CNOT4: variants seen among roughly 807,000 people sequenced by gnomAD.
The protein encoded by CNOT4 is CCR4-associated factor 4.
Under a neutral mutation model 73.8 loss-of-function variants are expected in CNOT4, and 8 were observed. The ratio of observed to expected loss-of-function variants is 0.11; its 90% CI spans 0.06 to 0.20. The LOEUF (loss-of-function observed/expected upper bound fraction) is 0.20. Ranked by LOEUF, CNOT4 falls within the 10% of genes least tolerant of loss-of-function variation. The pLI is 1.00. For missense variants in CNOT4, 564 were observed against 883.4 expected (o/e 0.64, Z 4.58); for synonymous variants, 293 against 321.1 (o/e 0.91, Z 0.94).
chr7:135,417,408 C>G (rs1366197704), intron 3 of CNOT4, among the ~76,000 whole-genome samples: 1 of 152,082 alleles, frequency 6.6e-6, no homozygotes, highest in Admixed American at 6.6e-5. Flanking sequence ...TTTATATATA[C>G]TTTTTCAAAT....
rs138138232 is a variant in CNOT4, at chr7:135,384,476, G to A, written c.1627+9442C>T. Reference sequence around the variant, plus strand: ...ATTTTTTTGTATTTTTAGTAGAGACGGGGTTTCACCGTGTTAGCCAGGATG... The same window carrying A: ...ATTTTTTTGTATTTTTAGTAGAGACAGGGTTTCACCGTGTTAGCCAGGATG... On this transcript the variant is annotated intron_variant, in intron 10 of 11. Coordinates refer to ENST00000541284, the MANE Select transcript of CNOT4 (RefSeq NM_001190850.2). The A allele has an allele frequency of 4.3e-3, 2,182 of 509,216 alleles. 67 individuals carry two copies. In the East Asian group the frequency reaches 0.062, roughly 14 times the overall value. 31.5% of individuals were successfully genotyped at this position (509,216 alleles called of 1,614,324 possible).
chr7:135,435,663 T>C (rs916153955), intron 2 of CNOT4, among the ~76,000 whole-genome samples: 5 of 152,200 alleles, frequency 3.3e-5, no homozygotes, highest in African/African-American at 9.6e-5. Context: ...TTTCATGATG[T>C]TGGTTTTCCT....
intron 8 of CNOT4, 63 bp downstream of exon 8, chr7:135,398,106 C>T (rs1563025366): frequency 1.1e-6 from 1 of 873,352 alleles, no homozygotes; most frequent in East Asian, 2.4e-5. Flanking sequence ...AATTCACCTG[C>T]ATGGAATACC....
At chr7:135,460,358 C>T (rs1198708421) in intron 1 of CNOT4, among the ~76,000 whole-genome samples, 1 of 152,188 alleles carries the variant, frequency 6.6e-6, no homozygotes, top group Non-Finnish European at 1.5e-5. Flanking sequence ...CTTCACTGAA[C>T]TTAATCATTT....
intron 10 of CNOT4, chr7:135,387,231 G>A: frequency 1.0e-6 from 1 of 984,762 alleles, no homozygotes; most frequent in African/African-American, 1.7e-5. Context: ...GTCACTTCTA[G>A]ATAGAAATTA....
chr7:135,451,340 G>A (rs139626011), intron 1 of CNOT4, among the ~76,000 whole-genome samples: 2 of 152,158 alleles, frequency 1.3e-5, no homozygotes, highest in African/African-American at 2.4e-5. Context: ...TGTACCCCAG[G>A]CTGGAATGCA....
intron 2 of CNOT4, among the ~76,000 whole-genome samples, chr7:135,422,731 C>T (rs1014548598): frequency 1.3e-5 from 2 of 152,046 alleles, no homozygotes; most frequent in African/African-American, 4.8e-5. Flanking sequence ...GGGTTTTACA[C>T]ATTATAATTA....
At chr7:135,504,449 C>CCGCGCCCGG (rs1804203654) in intron 1 of CNOT4, among the ~76,000 whole-genome samples, 1 of 141,844 alleles carries the variant, frequency 7.1e-6, no homozygotes, top group African/African-American at 2.7e-5. Flanking sequence ...GCACGTGCCA[C>CCGCGCCCGG]CACATCCGGC....
chr7:135,392,126 A>T (rs1349146477), intron 10 of CNOT4, among the ~76,000 whole-genome samples: 3 of 152,048 alleles, frequency 2.0e-5, no homozygotes, highest in African/African-American at 7.2e-5. Context: ...CCCAAATCTA[A>T]GATATGATAG....
chr7:135,457,620 G>A (rs755380535), intron 1 of CNOT4, among the ~76,000 whole-genome samples: 6 of 151,658 alleles, frequency 4.0e-5, no homozygotes, highest in African/African-American at 1.5e-4. Flanking sequence ...GCGTTTCCAC[G>A]CTTCTAATAC....
chr7:135,497,767 T>C (rs1308382714), intron 1 of CNOT4, among the ~76,000 whole-genome samples: 1 of 152,238 alleles, frequency 6.6e-6, no homozygotes, highest in Non-Finnish European at 1.5e-5. Context: ...TCCATTACTC[T>C]CTGATTCAAG....
intron 10 of CNOT4, among the ~76,000 whole-genome samples, chr7:135,373,386 A>G (rs111921478): frequency 0.035 from 5,343 of 152,286 alleles, 323 homozygotes; most frequent in African/African-American, 0.12. Context: ...GAAGGGAACT[A>G]TTAAGTCAGG....
intron 3 of CNOT4, among the ~76,000 whole-genome samples, chr7:135,416,416 C>T (rs1446458532): frequency 1.3e-5 from 2 of 152,102 alleles, no homozygotes; most frequent in Non-Finnish European, 2.9e-5. Flanking sequence ...GTAGCCAATT[C>T]TAATGGATTA....
chr7:135,380,819 T>A (rs1271981410), intron 10 of CNOT4, among the ~76,000 whole-genome samples: 1 of 152,188 alleles, frequency 6.6e-6, no homozygotes, highest in Non-Finnish European at 1.5e-5. Flanking sequence ...TTATCATCAT[T>A]GTTATTATTC....
chr7:135,472,552 T>TATATAAA (rs1554441864), intron 1 of CNOT4, among the ~76,000 whole-genome samples: 10 of 75,486 alleles, frequency 1.3e-4, no homozygotes, highest in Non-Finnish European at 2.1e-4. Context: ...TATATATATA[T>TATATAAA]ATATATAAAG....
rs756991294 is a variant in CNOT4 at position 135,362,445 on chromosome 7, C to T, written c.*440G>A. The T allele has an allele frequency of 4.1e-5, 12 of 292,334 alleles. No individual in the cohort carries two copies. Among genetic ancestry groups the T allele is most frequent in the Non-Finnish European group, 8.0e-5 (12 of 150,036 alleles). 18.1% of individuals were successfully genotyped at this position (292,334 alleles called of 1,614,324 possible). On this transcript the variant is annotated 3_prime_UTR_variant, in exon 12 of 12. Transcript: ENST00000541284. ...TGGATGCTAGGACCACTGCTTTCCCCCATGCATTTAGCAATCTCACGTAAA... is the reference window on the plus strand; with the variant it reads ...TGGATGCTAGGACCACTGCTTTCCCTCATGCATTTAGCAATCTCACGTAAA...
rs1390815481 is a variant in CNOT4 at position 135,465,794 on chromosome 7, TC to T, written c.-92-27372del. Among the ~76,000 whole-genome samples, 7 of 152,186 alleles carry T rather than the reference TC, an allele frequency of 4.6e-5. No homozygotes were observed. The South Asian group carries it at 1.4e-3, about 32-fold the overall frequency. Reference sequence around the variant, plus strand: ...CAGGTGTGGTGGCTCATGCCTGTAATCCCAGCACTTTGGGAGGCCGAGGCAG... The same window carrying T: ...CAGGTGTGGTGGCTCATGCCTGTAATCCAGCACTTTGGGAGGCCGAGGCAG... On this transcript the variant is annotated intron_variant, in intron 1 of 11. Transcript: ENST00000541284.
chr7:135,433,471 C>T (rs555238693), intron 2 of CNOT4, among the ~76,000 whole-genome samples: 27 of 151,436 alleles, frequency 1.8e-4, no homozygotes, highest in African/African-American at 6.3e-4. Context: ...ATCCTCCCAC[C>T]TTAGCCTCCC....
intron 10 of CNOT4, among the ~76,000 whole-genome samples, chr7:135,383,054 T>C (rs1585560684): frequency 6.6e-6 from 1 of 152,182 alleles, no homozygotes; most frequent in African/African-American, 2.4e-5. Flanking sequence ...TACATTCTCT[T>C]TGGGGGAAAT....
Sources: gnomAD v4.1 joint callset for allele counts (sites outside exome capture counted in the v4.1 genomes callset) on GRCh38, gnomAD v4.1.1 for gene constraint, MANE v1.5 for transcripts, NCBI Gene and HGNC (gene_info 2026-07-23, HGNC 2026-07-21) for gene names.